The following RPS6KA2 variants were observed in gnomAD, a reference collection of about 807,000 sequenced individuals.
The protein encoded by RPS6KA2 is ribosomal protein S6 kinase A2.
Under a neutral mutation model 91.8 loss-of-function variants are expected in RPS6KA2, and 42 were observed. The ratio of observed to expected loss-of-function variants is 0.46; its 90% CI spans 0.36 to 0.59. The LOEUF (loss-of-function observed/expected upper bound fraction) is 0.59. Among genes scored for constraint, RPS6KA2 ranks in the 20% least tolerant of loss-of-function variants. The pLI is 0.00. For synonymous variants in RPS6KA2, 414 were observed against 393.6 expected, an observed-to-expected ratio of 1.05 and a Z score of -0.61; for missense variants, 798 against 978.5, an observed-to-expected ratio of 0.82 and a Z score of 2.46.
At chr6:166,846,103 A>G (rs1470959452) in intron 2 of RPS6KA2, among the ~76,000 whole-genome samples, 1 of 152,198 alleles carries the variant, frequency 6.6e-6, no homozygotes, top group African/African-American at 2.4e-5. Flanking sequence ...AAACTAGAAA[A>G]TCTAGAGGAG....
At chr6:166,704,942 A>C (rs1484991647) in intron 2 of RPS6KA2, among the ~76,000 whole-genome samples, 1 of 152,192 alleles carries the variant, frequency 6.6e-6, no homozygotes, top group Non-Finnish European at 1.5e-5. Flanking sequence ...TAGGATTGTT[A>C]ATATTGTGGT....
At chr6:166,785,954 T>G (rs1359915) in intron 2 of RPS6KA2, among the ~76,000 whole-genome samples, 149,147 of 152,346 alleles carry the variant, frequency 0.98, 73,088 homozygotes, top group East Asian at 1. Context: ...TAATAATCAA[T>G]TAAATAACAT....
chr6:166,619,484 A>G (rs1463342278), intron 1 of RPS6KA2, among the ~76,000 whole-genome samples: 1 of 152,260 alleles, frequency 6.6e-6, no homozygotes, highest in Non-Finnish European at 1.5e-5. Context: ...CTTTGCAAGC[A>G]TAGTGTAGAA....
At chr6:166,702,781 C>A (rs959269048) in intron 2 of RPS6KA2, 13 of 1,110,030 alleles carry the variant, frequency 1.2e-5, no homozygotes, top group African/African-American at 3.1e-5. Context: ...CTTCAAGATA[C>A]CTTCTAGGTC....
intron 2 of RPS6KA2, among the ~76,000 whole-genome samples, chr6:166,788,659 G>A (rs1436460897): frequency 1.3e-5 from 2 of 152,110 alleles, no homozygotes; most frequent in Non-Finnish European, 2.9e-5. Context: ...ACTCAGGGAG[G>A]GGAACATCAC....
intron 2 of RPS6KA2, among the ~76,000 whole-genome samples, chr6:166,788,206 G>A (rs1213194289): frequency 1.3e-5 from 2 of 152,194 alleles, no homozygotes; most frequent in Non-Finnish European, 2.9e-5. Context: ...GTGAGGCTGT[G>A]GAGAAATGGG....
chr6:166,673,659 C>T (rs1228919370), intron 2 of RPS6KA2, among the ~76,000 whole-genome samples: 6 of 152,238 alleles, frequency 3.9e-5, no homozygotes, highest in South Asian at 2.1e-4. Flanking sequence ...GCAGGCGGCA[C>T]GCAGCCCAGG....
At chr6:166,512,618 G>C (rs1189483262) in intron 3 of RPS6KA2, among the ~76,000 whole-genome samples, 2 of 152,170 alleles carry the variant, frequency 1.3e-5, no homozygotes, top group Admixed American at 6.5e-5. Context: ...TTCCCGTTTG[G>C]TCTGTAATAC....
At chr6:166,706,522 A>C (rs1427448150) in intron 2 of RPS6KA2, among the ~76,000 whole-genome samples, 1 of 152,192 alleles carries the variant, frequency 6.6e-6, no homozygotes, top group African/African-American at 2.4e-5. Context: ...TTCTTCTGGA[A>C]GCGTCCCCTG....
chr6:166,553,514 T>TA (rs11348364), intron 1 of RPS6KA2, among the ~76,000 whole-genome samples: 5,119 of 136,206 alleles, frequency 0.038, 306 homozygotes, highest in African/African-American at 0.13. Context: ...AGGAGTCATT[T>TA]AAAAAAAAAA....
chr6:166,501,267 G>A (rs556356454), intron 6 of RPS6KA2, among the ~76,000 whole-genome samples: 2 of 152,338 alleles, frequency 1.3e-5, no homozygotes, highest in South Asian at 2.1e-4. Flanking sequence ...GGTGGAGAGC[G>A]TCCTGGGACT....
chr6:166,684,132 C>T (rs186467134), intron 2 of RPS6KA2, among the ~76,000 whole-genome samples: 72 of 152,304 alleles, frequency 4.7e-4, no homozygotes, highest in Non-Finnish European at 9.1e-4. Flanking sequence ...GGAGACGGGA[C>T]TTGACTCTGG....
At chr6:166,840,585 G>C (rs1253220285) in intron 2 of RPS6KA2, among the ~76,000 whole-genome samples, 2 of 152,168 alleles carry the variant, frequency 1.3e-5, no homozygotes. Context: ...TAGACAGCAC[G>C]TCCTTACTGT....
chr6:166,532,985 A>G (rs926750111), intron 2 of RPS6KA2, among the ~76,000 whole-genome samples: 5 of 152,114 alleles, frequency 3.3e-5, no homozygotes, highest in African/African-American at 1.2e-4. Context: ...TCAGGATCCC[A>G]TGGCTCTTGC....
At chr6:166,540,015 C>T (rs1249594872) in intron 1 of RPS6KA2, among the ~76,000 whole-genome samples, 1 of 152,188 alleles carries the variant, frequency 6.6e-6, no homozygotes, top group Non-Finnish European at 1.5e-5. Flanking sequence ...AACCAGGGGC[C>T]TCTCATTCCT....
chr6:166,667,754 G>A (rs1009265882), intron 2 of RPS6KA2, among the ~76,000 whole-genome samples: 1 of 152,150 alleles, frequency 6.6e-6, no homozygotes, highest in Non-Finnish European at 1.5e-5. Context: ...TGGAGGGAGG[G>A]GATCACACCT....
rs575431177 is a variant in RPS6KA2, at chr6:166,641,787, G to C, written c.124-103003C>G. The stretch of plus-strand genomic sequence containing the variant: ...AAATTCAATAGATCAATTAACAGCA[G>C]TTTGGGCAAAGTCCAACAAAGAGTT... On this transcript the variant is annotated intron_variant, in intron 2 of 21. Coordinates refer to the RPS6KA2 transcript ENST00000503859. Among the ~76,000 whole-genome samples, 6 of 118,160 alleles carry C rather than the reference G, an allele frequency of 5.1e-5. No individual in the cohort carries two copies. In the Admixed American group the frequency reaches 5.9e-4, roughly 12 times the overall value. The allele number at this position is 118,160 out of a possible 152,430, so 77.5% of individuals were successfully genotyped here. A position where few individuals can be genotyped will look rare whatever the true frequency, so the allele number is the denominator to read the frequency against.
chr6:166,758,433 C>A (rs891037442), intron 2 of RPS6KA2, among the ~76,000 whole-genome samples: 1 of 152,192 alleles, frequency 6.6e-6, no homozygotes, highest in East Asian at 1.9e-4. Flanking sequence ...GAACATCAGC[C>A]CCTTTCTTGC....
At chr6:166,446,581 T>C (rs1203990057) in intron 14 of RPS6KA2, among the ~76,000 whole-genome samples, 2 of 152,140 alleles carry the variant, frequency 1.3e-5, no homozygotes, top group African/African-American at 4.8e-5. Flanking sequence ...CAACAAGATC[T>C]TTGAGGACTG....
Sources: allele counts gnomAD v4.1 joint callset (sites outside exome capture counted in the v4.1 genomes callset), GRCh38; gene constraint gnomAD v4.1.1; transcripts MANE v1.5; gene names NCBI Gene and HGNC (gene_info 2026-07-23, HGNC 2026-07-21).